Variants in C10orf143 observed in about 807,000 individuals in gnomAD.
C10orf143 encodes the protein chromosome 10 open reading frame 143.
rs997963728 is a variant in C10orf143, at chr10:130,056,534, G to A, written c.298-20564C>T. On this transcript the variant is annotated intron_variant and NMD_transcript_variant, in intron 3 of 5. Transcript: ENST00000643056. The surrounding 1 kb of genome is among the most constrained non-coding windows in gnomAD (Gnocchi z 4.6). ...ATGTCATTTTACAGAGAAAGGGAAG[G>A]GTTGAGCCATTGAGAGTTTTTTATT... Among the ~76,000 whole-genome samples, 1 of 152,056 alleles carries A rather than the reference G, an allele frequency of 6.6e-6. No individual in the cohort carries two copies. The highest frequency in any genetic ancestry group is 1.9e-4 in the East Asian group (1 of 5,186).
At chr10:130,079,479 G>T in intron 3 of C10orf143, 87 bp downstream of exon 3, 1 of 398,162 alleles carries the variant, frequency 2.5e-6, no homozygotes, top group Non-Finnish European at 4.4e-6. Context: ...AAACATAATT[G>T]CAGTTTTTAT....
At chr10:130,108,412 T>G (rs1420808522) in intron 1 of C10orf143, 1 of 913,252 alleles carries the variant, frequency 1.1e-6, no homozygotes. Context: ...CGCCTTCAAA[T>G]GAGCCTGCTA....
intron 3 of C10orf143, among the ~76,000 whole-genome samples, chr10:130,043,216 C>A (rs989749456): frequency 6.6e-6 from 1 of 152,094 alleles, no homozygotes; most frequent in African/African-American, 2.4e-5. Flanking sequence ...TGCTTCATAA[C>A]CTAAGTGTGT....
chr10:130,059,010 T>C (rs1860825764), downstream of C10orf143, among the ~76,000 whole-genome samples: 1 of 152,126 alleles, frequency 6.6e-6, no homozygotes, highest in African/African-American at 2.4e-5. Flanking sequence ...GTAAAGAAAC[T>C]ACACCATGTA....
intron 3 of C10orf143, among the ~76,000 whole-genome samples, chr10:130,069,036 A>G (rs1384745032): frequency 2.0e-5 from 3 of 152,216 alleles, no homozygotes; most frequent in Non-Finnish European, 4.4e-5. Flanking sequence ...ACATTAATCT[A>G]TATATACAAG....
intron 3 of C10orf143, among the ~76,000 whole-genome samples, chr10:130,040,958 A>C (rs1860600200): frequency 6.6e-6 from 1 of 152,200 alleles, no homozygotes; most frequent in Admixed American, 6.5e-5. Context: ...CCCGGGCATG[A>C]ACCGGCATGG....
chr10:130,040,999 C>T (rs896407238), intron 3 of C10orf143, among the ~76,000 whole-genome samples: 17 of 152,056 alleles, frequency 1.1e-4, no homozygotes, highest in Non-Finnish European at 1.3e-4. Flanking sequence ...TGAGGGCCCC[C>T]GCCACCGGCA....
intron 1 of C10orf143, among the ~76,000 whole-genome samples, chr10:130,109,894 G>T (rs564674780): frequency 6.6e-6 from 1 of 152,224 alleles, no homozygotes; most frequent in African/African-American, 2.4e-5. Context: ...GCTCACTGCT[G>T]CCCCTAGCGA....
At chr10:130,073,213 GACAGTTCTGC>G (rs1861060222) in intron 3 of C10orf143, among the ~76,000 whole-genome samples, 1 of 152,166 alleles carries the variant, frequency 6.6e-6, no homozygotes, top group Non-Finnish European at 1.5e-5. Flanking sequence ...ATGCCTACAG[GACAGTTCTGC>G]ACCTGCTGCC....
chr10:130,080,558 A>T (rs1861189236), intron 1 of C10orf143, among the ~76,000 whole-genome samples: 1 of 152,208 alleles, frequency 6.6e-6, no homozygotes, highest in Admixed American at 6.5e-5. Context: ...CAGAGGCAGG[A>T]GGACCTCTGT....
intron 1 of C10orf143, chr10:130,108,352 C>G (rs1345706807): frequency 7.7e-7 from 1 of 1,301,698 alleles, no homozygotes; most frequent in East Asian, 2.3e-5. Context: ...GATTTTTCCC[C>G]CGACCCCCAC....
chr10:130,069,088 A>G (rs1314709947), intron 3 of C10orf143, among the ~76,000 whole-genome samples: 1 of 152,228 alleles, frequency 6.6e-6, no homozygotes, highest in Non-Finnish European at 1.5e-5. Context: ...AAAGGGATCC[A>G]CACCTAAACA....
At chr10:130,048,214 G>T (rs1860698699) in intron 3 of C10orf143, among the ~76,000 whole-genome samples, 1 of 152,172 alleles carries the variant, frequency 6.6e-6, no homozygotes, top group Non-Finnish European at 1.5e-5. Flanking sequence ...CTGTCTGGGG[G>T]TCAGCTGTCC....
intron 3 of C10orf143, among the ~76,000 whole-genome samples, chr10:130,049,867 A>G (rs1347377434): frequency 6.6e-6 from 1 of 152,238 alleles, no homozygotes; most frequent in Non-Finnish European, 1.5e-5. Flanking sequence ...ATTAAATGAA[A>G]AATTCAAGAT....
chr10:130,057,056 ATTTTTTTT>A (rs11435950), intron 3 of C10orf143, among the ~76,000 whole-genome samples: 1,384 of 133,580 alleles, frequency 0.01, 18 homozygotes, highest in East Asian at 0.046. Context: ...AGGCCCAGCT[ATTTTTTTT>A]TTTTTTTTGT....
intron 3 of C10orf143, among the ~76,000 whole-genome samples, chr10:130,046,761 C>T (rs891125911): frequency 7.9e-5 from 12 of 152,322 alleles, no homozygotes; most frequent in Admixed American, 4.6e-4. Flanking sequence ...TCGCCCACGC[C>T]GCCCGCTCAC....
rs1037938918 is a variant in C10orf143 at position 130,110,829 on chromosome 10, A to T, written c.-57T>A. The T allele has an allele frequency of 1.5e-5, 6 of 398,596 alleles. No individual in the cohort carries two copies. The highest frequency in any genetic ancestry group is 1.2e-4 in the African/African-American group (6 of 48,604). The allele number at this position is 398,596 out of a possible 1,614,324, so 24.7% of individuals were successfully genotyped here. On this transcript the variant is annotated 5_prime_UTR_variant, in exon 1 of 4. Transcript: ENST00000637128. ...CAGGCCTGGCCGAGGCCCGCGCACCACGCCCCCTTCCGCACAAGGCCCTGG... is the reference window on the plus strand; with the variant it reads ...CAGGCCTGGCCGAGGCCCGCGCACCTCGCCCCCTTCCGCACAAGGCCCTGG...
chr10:130,071,443 T>G (rs1861031409), intron 3 of C10orf143, among the ~76,000 whole-genome samples: 1 of 152,242 alleles, frequency 6.6e-6, no homozygotes, highest in African/African-American at 2.4e-5. Context: ...TATTTTGGGT[T>G]TCCTCTTCTC....
chr10:130,063,479 C>A (rs1860880167), downstream of C10orf143, among the ~76,000 whole-genome samples: 1 of 152,172 alleles, frequency 6.6e-6, no homozygotes, highest in African/African-American at 2.4e-5. Flanking sequence ...CTTACCCAGG[C>A]TTAATGAAGA....
Sources: gnomAD v4.1 joint callset for allele counts (sites outside exome capture counted in the v4.1 genomes callset) on GRCh38, gnomAD v4.1.1 for gene constraint, Gnocchi (gnomAD v3.1) non-coding constraint, MANE v1.5 for transcripts, NCBI Gene and HGNC (gene_info 2026-07-23, HGNC 2026-07-21) for gene names.